The following SMG1 variants were observed in gnomAD, a reference collection of about 807,000 sequenced individuals.
SMG1 encodes SMG1 nonsense mediated mRNA decay associated PI3K related kinase.
SMG1 carries 22 observed loss-of-function variants against 419.9 expected under a neutral mutation model. The ratio of observed to expected loss-of-function variants is 0.05; its 90% CI spans 0.04 to 0.07. SMG1 has a LOEUF of 0.07. Among genes scored for constraint, SMG1 ranks in the 10% least tolerant of loss-of-function variants. The pLI is 1.00. For missense variants in SMG1, 3,185 were observed against 4,342.0 expected, an observed-to-expected ratio of 0.73 and a Z score of 7.49; for synonymous variants, 1,538 against 1,553.5, an observed-to-expected ratio of 0.99 and a Z score of 0.23.
At position 18,850,342 on chromosome 16, in the gene SMG1, A is replaced by C. The variant is rs1032037789; in HGVS notation, c.5178T>G (p.Thr1726=). ...PWLSELDESA[T]EGVIKVWRKV... is the part of the protein sequence containing the mutation. ...TCCTCCACACTTTAATAACTCCTTCAGTTGCACTTTCATCAAGTTCTGAAA... is the reference window on the plus strand; with the variant it reads ...TCCTCCACACTTTAATAACTCCTTCCGTTGCACTTTCATCAAGTTCTGAAA... Residue 1726 remains threonine, a synonymous_variant, in exon 34 of 63, where the codon ACT becomes ACG. Transcript: ENST00000446231. 1 of 1,613,862 alleles carries C rather than the reference A, an allele frequency of 6.2e-7. No homozygotes were observed. Among genetic ancestry groups the C allele is most frequent in the African/African-American group, 1.3e-5 (1 of 74,936 alleles).
chr16:18,895,943 G>A (rs529898802), intron 3 of SMG1, 109 bp downstream of exon 3: 4 of 1,122,150 alleles, frequency 3.6e-6, no homozygotes, highest in African/African-American at 3.0e-5. Flanking sequence ...TGCACAGTAG[G>A]CTAATCAACT....
At chr16:18,915,158 C>T (rs113933138) in intron 1 of SMG1, among the ~76,000 whole-genome samples, 1 of 151,850 alleles carries the variant, frequency 6.6e-6, no homozygotes, top group East Asian at 2.0e-4. Context: ...ATTTTTTAGT[C>T]GAGATGGGGT....
At chr16:18,874,453 T>C (rs1333879337) in intron 13 of SMG1, among the ~76,000 whole-genome samples, 1 of 151,520 alleles carries the variant, frequency 6.6e-6, no homozygotes, top group Non-Finnish European at 1.5e-5. Context: ...CCTATTACTT[T>C]CTATTAAAAA....
rs755076388 is a variant in SMG1, at chr16:18,836,046, G to A, written c.7944C>T (p.Ala2648=). 3 of 1,596,400 alleles carry A rather than the reference G, an allele frequency of 1.9e-6. No individual in the cohort carries two copies. Among genetic ancestry groups the A allele is most frequent in the Non-Finnish European group, 1.7e-6 (2 of 1,171,356 alleles). Reference sequence around the variant, plus strand: ...GAAATATGGCCTTCGGATACTGCAGGGCCACGGTTGCATAGTGATGCAGTT... The same window carrying A: ...GAAATATGGCCTTCGGATACTGCAGAGCCACGGTTGCATAGTGATGCAGTT... The part of the protein sequence containing the change: ...LEQLHHYATV[A]LQYPKAIFQK... Residue 2648 remains alanine, a synonymous_variant, in exon 48 of 63, where the codon GCC becomes GCT. Transcript: ENST00000446231.
rs1227651624 is a variant in SMG1 at position 18,837,954 on chromosome 16, G to A, written c.7413+60C>T. The A allele has an allele frequency of 5.2e-6, 8 of 1,531,780 alleles. No individual in the cohort carries two copies. In the Admixed American group the frequency reaches 7.4e-5, roughly 14 times the overall value. 94.9% of individuals were successfully genotyped at this position (1,531,780 alleles called of 1,614,324 possible). On this transcript the variant is annotated intron_variant, in intron 45 of 62. Transcript: ENST00000446231. Reference sequence around the variant, plus strand: ...AAACAATTTGCCTCAACATTTTGATGAGCATGTTTACTCTATTAATAAAAA... The same window carrying A: ...AAACAATTTGCCTCAACATTTTGATAAGCATGTTTACTCTATTAATAAAAA...
intron 33 of SMG1, among the ~76,000 whole-genome samples, chr16:18,851,155 T>C (rs759015643): frequency 3.3e-5 from 5 of 152,258 alleles, no homozygotes; most frequent in East Asian, 1.9e-4. Context: ...GTACTGTGCA[T>C]GTATCAGACA....
Position 18,879,533 on chromosome 16 carries a change from TACC to T in SMG1, c.1477_1479del (p.Gly493del), listed in dbSNP as rs2036293380. The stretch of plus-strand genomic sequence containing the variant: ...TTCAAGACTGAGATGATATAATCGG[TACC>T]ACAAGTCTGGCAATTCTCCAGTTGG... On this transcript the variant is annotated inframe_deletion, in exon 11 of 63. Coordinates refer to ENST00000446231, the MANE Select transcript of SMG1 (RefSeq NM_015092.5). 9.1e-7 allele frequency: 1 copy of T among 1,104,664 alleles called. No individual in the cohort carries two copies. Among genetic ancestry groups the T allele is most frequent in the Non-Finnish European group, 1.3e-6 (1 of 753,644 alleles). 68.4% of individuals were successfully genotyped at this position (1,104,664 alleles called of 1,614,324 possible).
At chr16:18,864,940 A>T (rs2035420055) in intron 23 of SMG1, among the ~76,000 whole-genome samples, 1 of 152,200 alleles carries the variant, frequency 6.6e-6, no homozygotes, top group Non-Finnish European at 1.5e-5. Flanking sequence ...AAATGTTTTT[A>T]AAAAAATGTA....
chr16:18,840,143 T>TAA (rs1478277811), intron 41 of SMG1, among the ~76,000 whole-genome samples, 197 bp from the exon 42 acceptor site: 2,780 of 152,286 alleles, frequency 0.018, 86 homozygotes, highest in African/African-American at 0.063. Context: ...ATATACCTTT[T>TAA]AATTAGGCCC....
chr16:18,806,063 A>T lies in SMG1; in HGVS notation c.*3506T>A, dbSNP rs1049243889. 1 of 152,654 alleles carries T rather than the reference A, an allele frequency of 6.6e-6. No homozygotes were observed. The highest frequency in any genetic ancestry group is 1.5e-5 in the Non-Finnish European group (1 of 68,038). 9.5% of individuals were successfully genotyped at this position (152,654 alleles called of 1,614,324 possible). A position where few individuals can be genotyped will look rare whatever the true frequency, so the allele number is the denominator to read the frequency against. ...CCCGGAAGACTTTGCAATTTAAAGTACTGCCTATAATACCCCAGATTAAAA... is the reference window on the plus strand; with the variant it reads ...CCCGGAAGACTTTGCAATTTAAAGTTCTGCCTATAATACCCCAGATTAAAA... On this transcript the variant is annotated 3_prime_UTR_variant, in exon 63 of 63. Transcript: ENST00000446231.
intron 36 of SMG1, 75 bp from the exon 37 acceptor site, chr16:18,848,108 T>G (rs12926531): frequency 0.094 from 116,550 of 1,243,190 alleles, 6,107 homozygotes; most frequent in Middle Eastern, 0.15. Flanking sequence ...GGGAAAACAC[T>G]GATAATCTAT....
At chr16:18,873,470 C>G (rs550782648) in intron 13 of SMG1, among the ~76,000 whole-genome samples, 13 of 152,312 alleles carry the variant, frequency 8.5e-5, no homozygotes, top group South Asian at 6.2e-4. Context: ...GATCTGCCCC[C>G]CTCGGTCTCC....
chr16:18,885,792 G>C, intron 6 of SMG1, 126 bp from the exon 7 acceptor site: 2 of 801,080 alleles, frequency 2.5e-6, no homozygotes, highest in South Asian at 1.7e-5. Context: ...AGATTCTGTA[G>C]TTTTAGTTAA....
At chr16:18,856,615 G>C (rs928653016) in intron 29 of SMG1, 2 of 152,208 alleles carry the variant, frequency 1.3e-5, no homozygotes, top group African/African-American at 4.8e-5. Flanking sequence ...TGGGACTACA[G>C]GCGTGAGCCA....
intron 6 of SMG1, among the ~76,000 whole-genome samples, chr16:18,886,349 T>C (rs1019188445): frequency 1.3e-5 from 2 of 152,198 alleles, no homozygotes; most frequent in African/African-American, 4.8e-5. Flanking sequence ...ATACATAAAT[T>C]TTTAAAATAA....
chr16:18,831,522 A>T (rs1297727693), intron 51 of SMG1, among the ~76,000 whole-genome samples: 1 of 152,172 alleles, frequency 6.6e-6, no homozygotes, highest in African/African-American at 2.4e-5. Flanking sequence ...TCTAGCATTT[A>T]ACTTTTTAAA....
At position 18,834,268 on chromosome 16, in the gene SMG1, A is replaced by G; in HGVS notation, c.8501T>C (p.Ile2834Thr). 2 of 1,611,020 alleles carry G rather than the reference A, an allele frequency of 1.2e-6. No homozygotes were observed. Among genetic ancestry groups the G allele is most frequent in the Non-Finnish European group, 1.7e-6 (2 of 1,178,602 alleles). ...QCHLVPQDLD[I>T]PNPMEASETV... ...CTCAGACGCTTCCATGGGGTTCGGG[A>G]TATCTAAGTCCTGTGGCACCAGGTG... is the stretch of plus-strand genomic sequence containing the variant. Residue 2834 changes from isoleucine to threonine, a missense_variant, in exon 50 of 63, where the codon ATC becomes ACC. Ile to Thr is a moderately conservative substitution (Grantham distance 89). Coordinates refer to ENST00000446231, the MANE Select transcript of SMG1 (RefSeq NM_015092.5).
At chr16:18,924,797 TA>T (rs1283131561) in intron 1 of SMG1, 1 of 152,214 alleles carries the variant, frequency 6.6e-6, no homozygotes, top group African/African-American at 2.4e-5. Flanking sequence ...GTGTACCACC[TA>T]TTAGCCAAAG....
intron 48 of SMG1, 106 bp from the exon 49 acceptor site, chr16:18,835,270 AT>A: frequency 8.4e-7 from 1 of 1,193,272 alleles, no homozygotes; most frequent in South Asian, 1.6e-5. Context: ...AGAAATCATT[AT>A]TTACATTTTA....
Sources: gnomAD v4.1 joint callset for allele counts (sites outside exome capture counted in the v4.1 genomes callset) on GRCh38, gnomAD v4.1.1 for gene constraint, MANE v1.5 for transcripts, NCBI Gene and HGNC (gene_info 2026-07-23, HGNC 2026-07-21) for gene names.